STX6: variants seen among roughly 807,000 people sequenced by gnomAD.
STX6 encodes syntaxin 6.
Under a neutral mutation model 38.0 loss-of-function variants are expected in STX6, and 23 were observed. That is an observed-to-expected ratio of 0.60 (90% confidence interval 0.43 to 0.86). The LOEUF is 0.86. Ranked by LOEUF, STX6 falls within the 40% of genes least tolerant of loss-of-function variation. STX6 has a pLI of 0.00. For missense variants in STX6, 274 were observed against 312.9 expected (o/e 0.88, Z 0.94); for synonymous variants, 123 against 107.5 (o/e 1.14, Z -0.89).
chr1:181,012,564 T>A (rs1440671241), intron 1 of STX6, among the ~76,000 whole-genome samples: 1 of 152,156 alleles, frequency 6.6e-6, no homozygotes, highest in South Asian at 2.1e-4. Flanking sequence ...AATGCAGAAC[T>A]TTCCCAGTAA....
chr1:180,977,991 C>T lies in STX6; in HGVS notation c.692-1345G>A, dbSNP rs75652045. Among the ~76,000 whole-genome samples, 566 of 152,280 alleles carry T rather than the reference C, an allele frequency of 3.7e-3. 6 individuals are homozygous for T. The highest frequency in any genetic ancestry group is 0.013 in the African/African-American group (545 of 41,548). On this transcript the variant is annotated intron_variant, in intron 7 of 7. Coordinates refer to ENST00000258301, the MANE Select transcript of STX6 (RefSeq NM_005819.6). ...TCTGAGCAGGACAAAGACCCCAGGT[C>T]CATCACTCGTTGTTCTCAGGTAGGA...
chr1:181,011,041 G>A lies in STX6; in HGVS notation c.36-5578C>T, dbSNP rs148554097. ...AGGAAAAAAATGAAAGAAATGGCAG[G>A]AATTAGAAAAATGCTACAAAGCAGT... On this transcript the variant is annotated intron_variant, in intron 1 of 7. Transcript: ENST00000258301. 4.0e-4 allele frequency among the ~76,000 whole-genome samples: 61 copies of A among 152,234 alleles called. 1 individual carries two copies. In the East Asian group the frequency reaches 8.7e-3, roughly 22 times the overall value.
At chr1:181,003,311 C>T (rs2102320455) in intron 2 of STX6, among the ~76,000 whole-genome samples, 1 of 152,312 alleles carries the variant, frequency 6.6e-6, no homozygotes, top group African/African-American at 2.4e-5. Context: ...TCTGTGAGGG[C>T]TGGTATAGTG....
At chr1:181,017,821 G>T (rs368174618) in intron 1 of STX6, among the ~76,000 whole-genome samples, 5 of 152,200 alleles carry the variant, frequency 3.3e-5, no homozygotes, top group African/African-American at 1.2e-4. Flanking sequence ...GGGCAAGGGG[G>T]AATATTCTGG....
At chr1:180,990,172 G>A (rs1571333352) in intron 4 of STX6, 63 bp from the exon 5 acceptor site, 5 of 1,591,150 alleles carry the variant, frequency 3.1e-6, no homozygotes, top group Non-Finnish European at 4.3e-6. Context: ...CTGAACAAGT[G>A]ATGCATCAAG....
At chr1:180,979,988 C>G (rs1484049694) in intron 7 of STX6, among the ~76,000 whole-genome samples, 1 of 152,168 alleles carries the variant, frequency 6.6e-6, no homozygotes, top group Non-Finnish European at 1.5e-5. Context: ...AGGCAGATCA[C>G]TTGAGGTTAG....
chr1:180,998,628 G>A (rs766968211), intron 3 of STX6, among the ~76,000 whole-genome samples: 65 of 152,138 alleles, frequency 4.3e-4, no homozygotes, highest in Middle Eastern at 3.4e-3. Flanking sequence ...TGATCTGCCC[G>A]CCTCAGCCTC....
intron 6 of STX6, 85 bp downstream of exon 6, chr1:180,988,154 C>T (rs967994845): frequency 3.1e-5 from 28 of 907,648 alleles, no homozygotes; most frequent in Non-Finnish European, 4.2e-5. Context: ...TTACCAGCCA[C>T]GTAGCTGCCA....
Position 180,972,854 on chromosome 1 carries a change from G to A in STX6, c.*3716C>T. ...AAGGTACCTGCTTTCAGCAAATTCT[G>A]GTTTGGTTTTATTTTTTAATCAAAA... On this transcript the variant is annotated 3_prime_UTR_variant, in exon 8 of 8. Transcript: ENST00000258301. 1 of 207,462 alleles carries A rather than the reference G, an allele frequency of 4.8e-6. No homozygotes were observed. Among genetic ancestry groups the A allele is most frequent in the Non-Finnish European group, 1.0e-5 (1 of 100,310 alleles). The allele number at this position is 207,462 out of a possible 1,614,324, so 12.9% of individuals were successfully genotyped here. A position where few individuals can be genotyped will look rare whatever the true frequency, so the allele number is the denominator to read the frequency against.
intron 7 of STX6, among the ~76,000 whole-genome samples, chr1:180,979,921 A>AT (rs1655353396): frequency 6.6e-6 from 1 of 152,172 alleles, no homozygotes. Context: ...CAAAAAAGAG[A>AT]TGGGGCTGGG....
chr1:181,016,947 C>T (rs570739207), intron 1 of STX6, among the ~76,000 whole-genome samples: 24 of 151,836 alleles, frequency 1.6e-4, no homozygotes, highest in African/African-American at 5.8e-4. Context: ...ACTATCCGGG[C>T]GTGATGGCGG....
chr1:180,987,159 C>A (rs114464708), intron 6 of STX6, among the ~76,000 whole-genome samples: 1 of 152,216 alleles, frequency 6.6e-6, no homozygotes, highest in Non-Finnish European at 1.5e-5. Flanking sequence ...GCTCCATGCA[C>A]GTGTGCACCT....
At chr1:180,985,967 C>G (rs1291867777) in intron 6 of STX6, among the ~76,000 whole-genome samples, 2 of 152,182 alleles carry the variant, frequency 1.3e-5, no homozygotes, top group African/African-American at 4.8e-5. Flanking sequence ...AGTCTTTGTC[C>G]CTTACCTAAA....
At chr1:181,012,838 C>A (rs1372648395) in intron 1 of STX6, among the ~76,000 whole-genome samples, 3 of 151,974 alleles carry the variant, frequency 2.0e-5, no homozygotes, top group Non-Finnish European at 4.4e-5. Context: ...CCACGCCCGG[C>A]TAATTTTGTA....
At chr1:180,999,968 T>C (rs866652499) in intron 3 of STX6, among the ~76,000 whole-genome samples, 1 of 152,220 alleles carries the variant, frequency 6.6e-6, no homozygotes, top group African/African-American at 2.4e-5. Context: ...TAATGTGGAA[T>C]TATACAAGGT....
intron 5 of STX6, among the ~76,000 whole-genome samples, chr1:180,989,745 A>G (rs1655697260): frequency 6.6e-6 from 1 of 151,984 alleles, no homozygotes; most frequent in African/African-American, 2.4e-5. Context: ...CAGCCTCCTC[A>G]GTAGCTAGGA....
At chr1:180,988,376 T>C in intron 5 of STX6, 31 bp from the exon 6 acceptor site, 1 of 1,566,018 alleles carries the variant, frequency 6.4e-7, no homozygotes, top group African/African-American at 1.3e-5. Context: ...AATAAGCAAT[T>C]AAAATCCATC....
intron 3 of STX6, among the ~76,000 whole-genome samples, chr1:180,996,911 C>A (rs775415377): frequency 6.6e-6 from 1 of 152,030 alleles, no homozygotes; most frequent in African/African-American, 2.4e-5. Context: ...GAATTTTTTA[C>A]GAAACAATTA....
intron 3 of STX6, among the ~76,000 whole-genome samples, chr1:181,001,332 C>G (rs1185291906): frequency 1.3e-5 from 2 of 152,182 alleles, no homozygotes; most frequent in African/African-American, 4.8e-5. Context: ...TTAAAGACAG[C>G]TGGTTCTCTT....
Sources: allele counts gnomAD v4.1 joint callset (sites outside exome capture counted in the v4.1 genomes callset), GRCh38; gene constraint gnomAD v4.1.1; transcripts MANE v1.5; gene names NCBI Gene and HGNC (gene_info 2026-07-23, HGNC 2026-07-21).